Variants in ACTR3C observed in about 807,000 individuals in gnomAD.
ACTR3C encodes the protein actin-related protein 3C.
Under a neutral mutation model 26.3 loss-of-function variants are expected in ACTR3C, and 18 were observed. The observed-to-expected ratio is 0.68, with a 90% CI of 0.47 to 1.01. The LOEUF (loss-of-function observed/expected upper bound fraction) is 1.01. ACTR3C is among the 50% of genes least tolerant of loss of function. The probability of loss-of-function intolerance (pLI) is 0.00; values close to 1 mark genes in which losing one functional copy is unlikely to be tolerated. For synonymous variants in ACTR3C, 55 were observed against 94.5 expected (o/e 0.58, Z 2.42); for missense variants, 184 against 250.7 (o/e 0.73, Z 1.80).
At chr7:150,035,195 G>C in the ACTR3C span, among the ~76,000 whole-genome samples, 10 of 120,704 alleles carry the variant, frequency 8.3e-5, no homozygotes, top group African/African-American at 2.9e-4. Flanking sequence ...CTCAGTCCCC[G>C]CCTCACGGGG....
the ACTR3C span, among the ~76,000 whole-genome samples, chr7:150,096,369 T>G: frequency 9.2e-5 from 14 of 151,392 alleles, no homozygotes; most frequent in Middle Eastern, 6.8e-3. Context: ...CCCCTATGTC[T>G]CCATGAACCC....
downstream of ACTR3C, chr7:150,246,115 G>A (rs1832450962): frequency 6.6e-6 from 1 of 152,170 alleles, no homozygotes; most frequent in African/African-American, 2.4e-5. Context: ...TTCTTAGCAG[G>A]AGGAAAGATT....
downstream of ACTR3C, among the ~76,000 whole-genome samples, chr7:150,243,122 T>C (rs1340345698): frequency 6.6e-6 from 1 of 152,220 alleles, no homozygotes; most frequent in African/African-American, 2.4e-5. Context: ...CTTCTCACAA[T>C]AGCTTTATGA....
chr7:149,956,218 T>C, the ACTR3C span, among the ~76,000 whole-genome samples: 1 of 152,166 alleles, frequency 6.6e-6, no homozygotes, highest in Admixed American at 6.5e-5. Context: ...TTCAGGTTAT[T>C]GTGTATAGAC....
the ACTR3C span, among the ~76,000 whole-genome samples, chr7:149,900,948 G>A: frequency 3.3e-5 from 5 of 152,098 alleles, no homozygotes; most frequent in African/African-American, 1.2e-4. Flanking sequence ...CAGGAGAATC[G>A]CTTGAACTCA....
chr7:150,035,175 G>T, the ACTR3C span, among the ~76,000 whole-genome samples: 38 of 140,656 alleles, frequency 2.7e-4, 2 homozygotes, highest in Admixed American at 4.2e-4. Flanking sequence ...GGGGGGAAGA[G>T]GGTCTGGCTC....
At chr7:150,064,981 G>A in the ACTR3C span, among the ~76,000 whole-genome samples, 43 of 151,952 alleles carry the variant, frequency 2.8e-4, no homozygotes, top group African/African-American at 9.9e-4. Context: ...CTGTGCCTTG[G>A]CTGTAACTTT....
At chr7:150,049,207 T>C in the ACTR3C span, among the ~76,000 whole-genome samples, 5 of 151,688 alleles carry the variant, frequency 3.3e-5, no homozygotes, top group African/African-American at 1.2e-4. Flanking sequence ...TGGCTTCTCT[T>C]CCCCTCCCGG....
the ACTR3C span, among the ~76,000 whole-genome samples, chr7:150,069,184 T>A: frequency 6.6e-6 from 1 of 152,216 alleles, no homozygotes; most frequent in African/African-American, 2.4e-5. Flanking sequence ...TAGTCACAGG[T>A]AATGCCAAAA....
At chr7:149,973,659 C>T in the ACTR3C span, among the ~76,000 whole-genome samples, 12 of 152,026 alleles carry the variant, frequency 7.9e-5, no homozygotes, top group Non-Finnish European at 1.2e-4. Flanking sequence ...CTTTGAGGAT[C>T]GTTGAAGGCA....
chr7:150,318,016 C>A (rs1585018170), intron 1 of ACTR3C, among the ~76,000 whole-genome samples: 1 of 152,172 alleles, frequency 6.6e-6, no homozygotes, highest in East Asian at 1.9e-4. Flanking sequence ...GGGGAGGTTG[C>A]AAGAAAATGG....
At chr7:149,923,063 TCATAGTTG>T in the ACTR3C span, among the ~76,000 whole-genome samples, 1 of 143,174 alleles carries the variant, frequency 7.0e-6, no homozygotes, top group East Asian at 2.2e-4. Context: ...TCATAATTAC[TCATAGTTG>T]GGAGCCAACA....
chr7:149,911,663 G>A, the ACTR3C span, among the ~76,000 whole-genome samples: 2 of 137,250 alleles, frequency 1.5e-5, no homozygotes, highest in African/African-American at 5.6e-5. Flanking sequence ...TGTGTAATGG[G>A]TTTCAGAAAA....
At chr7:150,137,849 G>A in the ACTR3C span, among the ~76,000 whole-genome samples, 1 of 152,314 alleles carries the variant, frequency 6.6e-6, no homozygotes, top group East Asian at 1.9e-4. Context: ...GAAATTTCAT[G>A]TTACATTCAA....
the ACTR3C span, among the ~76,000 whole-genome samples, chr7:150,038,941 C>G: frequency 3.1e-5 from 3 of 97,894 alleles, 1 homozygote; most frequent in Non-Finnish European, 4.5e-5. Flanking sequence ...GGGGATAGCT[C>G]TCAGTCCCCA....
At chr7:149,897,515 G>T in the ACTR3C span, among the ~76,000 whole-genome samples, 1 of 152,158 alleles carries the variant, frequency 6.6e-6, no homozygotes, top group Non-Finnish European at 1.5e-5. Context: ...ATTTCTAAAA[G>T]TAGATTATCT....
At chr7:150,085,927 C>A in the ACTR3C span, among the ~76,000 whole-genome samples, 2 of 150,842 alleles carry the variant, frequency 1.3e-5, no homozygotes, top group African/African-American at 4.9e-5. Context: ...TGGATGGAAA[C>A]AAAAAATACA....
chr7:149,946,781 G>C, the ACTR3C span, among the ~76,000 whole-genome samples: 8 of 150,748 alleles, frequency 5.3e-5, no homozygotes, highest in South Asian at 2.1e-4. Context: ...TCCCCGTGAA[G>C]GTGACATCAT....
At chr7:150,030,562 G>A in the ACTR3C span, among the ~76,000 whole-genome samples, 1 of 149,454 alleles carries the variant, frequency 6.7e-6, no homozygotes, top group Non-Finnish European at 1.5e-5. Flanking sequence ...GGTTGGTATC[G>A]AGTAAAAGTT....
Sources: allele counts gnomAD v4.1 joint callset (sites outside exome capture counted in the v4.1 genomes callset), GRCh38; gene constraint gnomAD v4.1.1; transcripts MANE v1.5; gene names NCBI Gene and HGNC (gene_info 2026-07-23, HGNC 2026-07-21).